The following CBX5 variants were observed in gnomAD, a reference collection of about 807,000 sequenced individuals.
The protein encoded by CBX5 is chromobox protein homolog 5.
A neutral mutation model predicts 20.7 loss-of-function variants in CBX5; 7 were observed. The observed-to-expected ratio is 0.34, with a 90% confidence interval of 0.19 to 0.63. CBX5 has a LOEUF of 0.63. Among genes scored for constraint, CBX5 ranks in the 30% least tolerant of loss-of-function variants. The pLI is 0.75. For synonymous variants in CBX5, 78 were observed against 77.0 expected (o/e 1.01, Z -0.07); for missense variants, 110 against 224.1 (o/e 0.49, Z 3.25).
chr12:54,266,039 T>G (rs1052225062), intron 1 of CBX5, among the ~76,000 whole-genome samples: 1 of 148,058 alleles, frequency 6.8e-6, no homozygotes, highest in Non-Finnish European at 1.5e-5. Flanking sequence ...AGAGGCAGAC[T>G]CTGTCTTAAA....
intron 1 of CBX5, among the ~76,000 whole-genome samples, chr12:54,261,317 A>G (rs1366991477): frequency 6.7e-6 from 1 of 148,308 alleles, no homozygotes; most frequent in African/African-American, 2.5e-5. Flanking sequence ...TTTTTTTTTG[A>G]GACGGAGTCT....
intron 4 of CBX5, 54 bp downstream of exon 4, chr12:54,246,061 T>C (rs1488502366): frequency 6.6e-6 from 8 of 1,215,732 alleles, no homozygotes; most frequent in Non-Finnish European, 9.8e-6. Flanking sequence ...TCCACACAAA[T>C]TCAAGTCACT....
At chr12:54,268,975 G>A (rs1316726688) in intron 1 of CBX5, among the ~76,000 whole-genome samples, 4 of 152,192 alleles carry the variant, frequency 2.6e-5, no homozygotes, top group Non-Finnish European at 4.4e-5. Flanking sequence ...AAAAATAACT[G>A]TTTTGGGCCA....
intron 1 of CBX5, among the ~76,000 whole-genome samples, chr12:54,266,698 G>C (rs1176384514): frequency 2.0e-5 from 3 of 152,144 alleles, no homozygotes; most frequent in Admixed American, 2.0e-4. Context: ...TCAATTTTCA[G>C]AACTGCTTGA....
In CBX5 at chr12:54,238,708, T is replaced by C. The variant is rs1307791676; in HGVS notation, c.*3047A>G. 6.6e-6 allele frequency: 1 copy of C among 152,194 alleles called. No individual in the cohort carries two copies. Among genetic ancestry groups the C allele is most frequent in the Non-Finnish European group, 1.5e-5 (1 of 68,020 alleles). The allele number at this position is 152,194 out of a possible 1,614,324, so 9.4% of individuals were successfully genotyped here. The stretch of plus-strand genomic sequence containing the variant: ...ATTTTCCCGGCATTTGATCTTAACT[T>C]GAAGGCCATCTGCCCAGCCCAGCAA... On this transcript the variant is annotated 3_prime_UTR_variant, in exon 5 of 5. Transcript: ENST00000209875.
At chr12:54,242,038 C>A in intron 4 of CBX5, 133 bp from the exon 5 acceptor site, 1 of 734,550 alleles carries the variant, frequency 1.4e-6, no homozygotes, top group Non-Finnish European at 2.2e-6. Context: ...GAAAAGGACC[C>A]TTTCAATATT....
At chr12:54,259,951 CCACCCAT>C (rs1391725899) in intron 1 of CBX5, among the ~76,000 whole-genome samples, 1 of 152,134 alleles carries the variant, frequency 6.6e-6, no homozygotes, top group Non-Finnish European at 1.5e-5. Flanking sequence ...TCAGTACAAA[CCACCCAT>C]CACTTAATCC....
chr12:54,250,504 G>C (rs1013361630), intron 3 of CBX5, among the ~76,000 whole-genome samples: 2 of 151,970 alleles, frequency 1.3e-5, no homozygotes, highest in Non-Finnish European at 2.9e-5. Flanking sequence ...TGCTATCACT[G>C]GAACAAAAGA....
intron 1 of CBX5, among the ~76,000 whole-genome samples, chr12:54,275,286 A>G (rs1944052492): frequency 6.6e-6 from 1 of 152,064 alleles, no homozygotes; most frequent in Admixed American, 6.6e-5. Flanking sequence ...TCTGTCACCC[A>G]GGCTGGAGTA....
In CBX5 at chr12:54,236,677, G is replaced by A. The variant is rs1341574193; in HGVS notation, c.*5078C>T. 1 of 152,156 alleles carries A rather than the reference G, an allele frequency of 6.6e-6. No homozygotes were observed. Among genetic ancestry groups the A allele is most frequent in the East Asian group, 1.9e-4 (1 of 5,194 alleles). 9.4% of individuals were successfully genotyped at this position (152,156 alleles called of 1,614,324 possible). A position where few individuals can be genotyped will look rare whatever the true frequency, so the allele number is the denominator to read the frequency against. On this transcript the variant is annotated 3_prime_UTR_variant, in exon 5 of 5. Coordinates refer to ENST00000209875, the MANE Select transcript of CBX5 (RefSeq NM_012117.3). ...CAACCAAAATGATGGGATCATGGGT[G>A]CAAAGTGGGTTTTTCCTTTAAATTG...
chr12:54,274,567 A>T (rs966133692), intron 1 of CBX5, among the ~76,000 whole-genome samples: 2 of 152,176 alleles, frequency 1.3e-5, no homozygotes, highest in Non-Finnish European at 2.9e-5. Flanking sequence ...CAAAATAAAG[A>T]CTAGAAATGC....
At chr12:54,244,416 C>T (rs1943712302) in intron 4 of CBX5, among the ~76,000 whole-genome samples, 1 of 151,914 alleles carries the variant, frequency 6.6e-6, no homozygotes, top group South Asian at 2.1e-4. Context: ...GTAGTGAGGA[C>T]CACAACATAA....
intron 1 of CBX5, among the ~76,000 whole-genome samples, chr12:54,264,861 AAAAG>A (rs1337766052): frequency 9.9e-5 from 15 of 152,270 alleles, no homozygotes; most frequent in Admixed American, 3.3e-4. Flanking sequence ...AAAAAAAAGA[AAAAG>A]AAAGCCAATT....
At chr12:54,263,588 A>G (rs191338094) in intron 1 of CBX5, among the ~76,000 whole-genome samples, 369 of 151,210 alleles carry the variant, frequency 2.4e-3, no homozygotes, top group African/African-American at 8.5e-3. Context: ...CAAAAAAATT[A>G]GTCAGGCGTG....
Position 54,238,195 on chromosome 12 carries a change from A to G in CBX5, c.*3560T>C, listed in dbSNP as rs1784022657. On this transcript the variant is annotated 3_prime_UTR_variant, in exon 5 of 5. Transcript: ENST00000209875. Reference sequence around the variant, plus strand: ...CAGAGCGAGACTCTGTCTAAAAAAAATAAATAAATAATAGAGGTGAATGTC... The same window carrying G: ...CAGAGCGAGACTCTGTCTAAAAAAAGTAAATAAATAATAGAGGTGAATGTC... The G allele has an allele frequency of 6.6e-6, 1 of 152,186 alleles. No homozygotes were observed. Among genetic ancestry groups the G allele is most frequent in the African/African-American group, 2.4e-5 (1 of 41,442 alleles). 9.4% of individuals were successfully genotyped at this position (152,186 alleles called of 1,614,324 possible). A position where few individuals can be genotyped will look rare whatever the true frequency, so the allele number is the denominator to read the frequency against.
intron 4 of CBX5, 112 bp from the exon 5 acceptor site, chr12:54,242,017 GGTTT>G: frequency 5.0e-6 from 5 of 1,008,214 alleles, no homozygotes; most frequent in Non-Finnish European, 7.2e-6. Flanking sequence ...TCCTCACCTT[GGTTT>G]CAAGGTGAAA....
chr12:54,255,133 A>G (rs996521887), intron 2 of CBX5, among the ~76,000 whole-genome samples: 7 of 152,204 alleles, frequency 4.6e-5, no homozygotes, highest in Non-Finnish European at 1.0e-4. Flanking sequence ...TGATTTAAAA[A>G]GAGCCTGGGT....
intron 1 of CBX5, among the ~76,000 whole-genome samples, chr12:54,269,251 A>G (rs2137029622): frequency 6.6e-6 from 1 of 152,216 alleles, no homozygotes; most frequent in East Asian, 1.9e-4. Flanking sequence ...TGACAGAGCG[A>G]GGATCCTTCT....
Position 54,260,692 on chromosome 12 carries a change from G to T in CBX5, c.-42-3000C>A, listed in dbSNP as rs148808876. ...TATTAATATACAACTCTCTGTATCA[G>T]TATGTCTCAATACTTGAGAAAAGGA... is the stretch of plus-strand genomic sequence containing the variant. On this transcript the variant is annotated intron_variant, in intron 1 of 4. Transcript: ENST00000209875. Among the ~76,000 whole-genome samples the T allele has an allele frequency of 4.4e-3, 668 of 152,136 alleles. 5 individuals carry two copies. Among genetic ancestry groups the T allele is most frequent in the African/African-American group, 0.015 (621 of 41,494 alleles).
Sources: allele counts gnomAD v4.1 joint callset (sites outside exome capture counted in the v4.1 genomes callset), GRCh38; gene constraint gnomAD v4.1.1; transcripts MANE v1.5; gene names NCBI Gene and HGNC (gene_info 2026-07-23, HGNC 2026-07-21).